Variants in CD1B observed in about 807,000 individuals in gnomAD.
CD1B encodes T-cell surface glycoprotein CD1b.
In CD1B, 43 loss-of-function variants were observed where a neutral mutation model predicts 39.8. The ratio of observed to expected loss-of-function variants is 1.08; its 90% CI spans 0.85 to 1.39. The LOEUF (loss-of-function observed/expected upper bound fraction) is 1.39, where lower values mean the gene tolerates loss of function less well. Ranked by LOEUF, CD1B falls within the 40% of genes most tolerant of loss-of-function variation. The probability of loss-of-function intolerance (pLI) is 0.00; values close to 1 mark genes in which losing one functional copy is unlikely to be tolerated. For missense variants in CD1B, 495 were observed against 403.8 expected, an observed-to-expected ratio of 1.23 and a Z score of -1.94; for synonymous variants, 192 against 152.5, an observed-to-expected ratio of 1.26 and a Z score of -1.91.
chr1:158,292,922 G>A, the CD1B span: 61 of 1,581,432 alleles, frequency 3.9e-5, no homozygotes, highest in Non-Finnish European at 5.2e-5. Context: ...TGAGCCTAGA[G>A]GTTAGGGGAG....
chr1:158,310,241 G>T, the CD1B span, among the ~76,000 whole-genome samples: 2 of 152,096 alleles, frequency 1.3e-5, no homozygotes, highest in African/African-American at 2.4e-5. Flanking sequence ...TTCAATAAAT[G>T]GTGTTGTGCT....
chr1:158,299,288 T>A, the CD1B span, among the ~76,000 whole-genome samples: 4 of 152,344 alleles, frequency 2.6e-5, no homozygotes, highest in African/African-American at 9.6e-5. Context: ...GGTTTTTTTC[T>A]TTAGTTCTGT....
At chr1:158,289,930 C>T in the CD1B span, 3 of 711,720 alleles carry the variant, frequency 4.2e-6, no homozygotes, top group Admixed American at 2.2e-5. Flanking sequence ...AGCAGATCTT[C>T]TTAGTTGCTG....
chr1:158,319,103 C>T, the CD1B span, among the ~76,000 whole-genome samples: 1 of 151,296 alleles, frequency 6.6e-6, no homozygotes, highest in Admixed American at 6.6e-5. Flanking sequence ...AACATTTTTT[C>T]CTTCATTTCA....
At chr1:158,294,902 G>A in the CD1B span, among the ~76,000 whole-genome samples, 1 of 151,974 alleles carries the variant, frequency 6.6e-6, no homozygotes, top group Non-Finnish European at 1.5e-5. Context: ...TTTGGAGGAG[G>A]AGGTGGCTTC....
downstream of CD1B, among the ~76,000 whole-genome samples, chr1:158,323,244 T>G (rs1392195119): frequency 2.0e-5 from 3 of 147,906 alleles, no homozygotes; most frequent in Non-Finnish European, 4.4e-5. Flanking sequence ...TTTCACTGAT[T>G]TTTTTTTCTT....
At chr1:158,329,272 C>G in intron 4 of CD1B, 98 bp downstream of exon 4, 2 of 1,410,988 alleles carry the variant, frequency 1.4e-6, no homozygotes, top group East Asian at 2.3e-5. Flanking sequence ...CAATCTCTCC[C>G]TCTTTCATCT....
chr1:158,321,629 C>T, the CD1B span, among the ~76,000 whole-genome samples: 5 of 152,162 alleles, frequency 3.3e-5, no homozygotes, highest in African/African-American at 4.8e-5. Context: ...AAGTGATATT[C>T]TCCAACATTA....
chr1:158,323,653 T>C (rs1157509020), downstream of CD1B, among the ~76,000 whole-genome samples: 2 of 152,236 alleles, frequency 1.3e-5, no homozygotes, highest in Non-Finnish European at 2.9e-5. Flanking sequence ...CTCCAGAATT[T>C]AAGCAAACCT....
chr1:158,296,133 C>A, the CD1B span, among the ~76,000 whole-genome samples: 643 of 152,140 alleles, frequency 4.2e-3, 5 homozygotes, highest in Non-Finnish European at 7.3e-3. Flanking sequence ...TGAGAGCAGA[C>A]CCCCACCGCC....
At chr1:158,288,479 C>T in the CD1B span, among the ~76,000 whole-genome samples, 3 of 152,326 alleles carry the variant, frequency 2.0e-5, no homozygotes, top group Non-Finnish European at 4.4e-5. Flanking sequence ...ACAGCCCTGA[C>T]TTTCAGGGCT....
At chr1:158,318,163 T>C in the CD1B span, among the ~76,000 whole-genome samples, 4 of 152,208 alleles carry the variant, frequency 2.6e-5, no homozygotes. Flanking sequence ...GAGAGTTCTG[T>C]AGATGTCTAT....
the CD1B span, among the ~76,000 whole-genome samples, chr1:158,322,291 C>T: frequency 3.9e-5 from 6 of 152,292 alleles, no homozygotes; most frequent in South Asian, 1.2e-3. Context: ...GGCTGGAGTG[C>T]TGTGACTCAA....
chr1:158,330,974 C>T lies in CD1B; in HGVS notation c.150G>A (p.Leu50=), dbSNP rs746236874. The stretch of plus-strand genomic sequence containing the variant: ...CCCAGCCATGAATCTGCAAATCATC[C>T]AACCAGCCTGAGCCTTGAGTTTGTG... ...TWAQTQGSGW[L]DDLQIHGWDS... Residue 50 remains leucine (L), a synonymous_variant, in exon 2 of 6, where the codon TTG becomes TTA. Transcript: ENST00000368168. 7 of 1,613,982 alleles carry T rather than the reference C, an allele frequency of 4.3e-6. No individual in the cohort carries two copies. In the East Asian group the frequency reaches 1.6e-4, roughly 36 times the overall value.
At chr1:158,299,583 T>C in the CD1B span, among the ~76,000 whole-genome samples, 4 of 152,168 alleles carry the variant, frequency 2.6e-5, no homozygotes, top group Non-Finnish European at 5.9e-5. Flanking sequence ...CTTTGTACCT[T>C]TAGTAGAATT....
the CD1B span, chr1:158,292,238 T>G: frequency 6.2e-7 from 1 of 1,614,146 alleles, no homozygotes; most frequent in African/African-American, 1.3e-5. Context: ...TGGCCCAAAG[T>G]GTCTGTCATC....
the CD1B span, among the ~76,000 whole-genome samples, chr1:158,310,296 T>C: frequency 6.6e-6 from 1 of 152,086 alleles, no homozygotes; most frequent in African/African-American, 2.4e-5. Context: ...ACATCTTCCT[T>C]TCACCACATA....
the CD1B span, among the ~76,000 whole-genome samples, chr1:158,287,101 T>G: frequency 7.9e-5 from 12 of 152,170 alleles, no homozygotes; most frequent in Non-Finnish European, 1.3e-4. Context: ...TCTTGGGCTG[T>G]GCTAACACAA....
the CD1B span, among the ~76,000 whole-genome samples, chr1:158,310,322 G>GATGGATTAAAGACTTAA: frequency 6.6e-6 from 1 of 152,146 alleles, no homozygotes; most frequent in South Asian, 2.1e-4. Flanking sequence ...GTTAATTCAA[G>GATGGATTAAAGACTTAA]ATGGATTAAA....
Sources: allele counts gnomAD v4.1 joint callset (sites outside exome capture counted in the v4.1 genomes callset), GRCh38; gene constraint gnomAD v4.1.1; transcripts MANE v1.5; gene names NCBI Gene and HGNC (gene_info 2026-07-23, HGNC 2026-07-21).